SSUH2: variants seen among roughly 807,000 people sequenced by gnomAD.
SSUH2 encodes the protein protein SSUH2 homolog.
Under a neutral mutation model 55.3 loss-of-function variants are expected in SSUH2, and 47 were observed. The observed-to-expected ratio is 0.85, with a 90% confidence interval of 0.67 to 1.08. SSUH2 has a LOEUF of 1.08. SSUH2 is among the 50% of genes least tolerant of loss of function. SSUH2 has a pLI of 0.00. For missense variants in SSUH2, 535 were observed against 490.7 expected, an observed-to-expected ratio of 1.09 and a Z score of -0.85; for synonymous variants, 212 against 191.5, an observed-to-expected ratio of 1.11 and a Z score of -0.89.
rs1034592520 is a variant in SSUH2, at chr3:8,634,052, T to C, written c.210-257A>G. 19 of 1,142,458 alleles carry C rather than the reference T, an allele frequency of 1.7e-5. No homozygotes were observed. In the African/African-American group the frequency reaches 2.5e-4, roughly 15 times the overall value. 70.8% of individuals were successfully genotyped at this position (1,142,458 alleles called of 1,614,324 possible). On this transcript the variant is annotated intron_variant, in intron 3 of 11. Coordinates refer to ENST00000544814, the MANE Select transcript of SSUH2 (RefSeq NM_001256748.3). ...ATGTGGAGCTTAGGAGAAAAGCTGA[T>C]AGAATCCTGCAACTGAAGAAACACA...
At chr3:8,642,988 G>A (rs1194507325) in intron 1 of SSUH2, among the ~76,000 whole-genome samples, 1 of 152,170 alleles carries the variant, frequency 6.6e-6, no homozygotes, top group Non-Finnish European at 1.5e-5. Flanking sequence ...GAAAGACTCA[G>A]GGTTCCTAGA....
chr3:8,636,633 C>T (rs1026696622), intron 1 of SSUH2, among the ~76,000 whole-genome samples: 7 of 152,174 alleles, frequency 4.6e-5, no homozygotes, highest in African/African-American at 1.7e-4. Context: ...CTGACCAAGA[C>T]TTTCTTGGAG....
intron 11 of SSUH2, 119 bp downstream of exon 11, chr3:8,623,430 C>G (rs1696850174): frequency 4.3e-6 from 3 of 698,054 alleles, no homozygotes; most frequent in Non-Finnish European, 7.6e-6. Flanking sequence ...CCACACTCCT[C>G]CCCCGGGACC....
intron 6 of SSUH2, among the ~76,000 whole-genome samples, chr3:8,661,763 T>C: frequency 6.6e-6 from 1 of 152,334 alleles, no homozygotes; most frequent in East Asian, 1.9e-4. Flanking sequence ...GGGAACCTGT[T>C]GTAAGTAAGC....
chr3:8,671,993 G>A (rs1207321937), exon 4 of SSUH2: 1 of 152,122 alleles, frequency 6.6e-6, no homozygotes, highest in Admixed American at 6.5e-5. Flanking sequence ...ATAGACGGGT[G>A]TACATCCTCT....
rs189868814 is a variant in SSUH2, at chr3:8,679,670, C to A, written c.-901+35G>T. On this transcript the variant is annotated intron_variant, in intron 2 of 18. Coordinates refer to the SSUH2 transcript ENST00000317371. ...TGCCTCTTCCCCCCCTGGCTTAGGA[C>A]CCCCATCGCGGATTCTAAGATCCTT... 126 of 205,468 alleles carry A rather than the reference C, an allele frequency of 6.1e-4. No individual in the cohort carries two copies. In the East Asian group the frequency reaches 7.9e-3, roughly 13 times the overall value. 12.7% of individuals were successfully genotyped at this position (205,468 alleles called of 1,614,324 possible).
chr3:8,672,915 G>A (rs960701624), intron 3 of SSUH2, among the ~76,000 whole-genome samples: 2 of 152,042 alleles, frequency 1.3e-5, no homozygotes, highest in African/African-American at 4.8e-5. Context: ...CACCTGCTGC[G>A]ATATTGAACG....
intron 6 of SSUH2, among the ~76,000 whole-genome samples, chr3:8,661,733 G>T (rs1703510715): frequency 6.6e-6 from 1 of 152,234 alleles, no homozygotes; most frequent in South Asian, 2.1e-4. Context: ...TTGCATTACA[G>T]AACAGCAATG....
chr3:8,659,847 C>T (rs760630259), intron 6 of SSUH2: 5 of 454,058 alleles, frequency 1.1e-5, no homozygotes, highest in Non-Finnish European at 2.2e-5. Flanking sequence ...AATTAGAACA[C>T]AGTCAATAAA....
Position 8,662,945 on chromosome 3 carries a change from C to T in SSUH2, c.-396+799G>A, listed in dbSNP as rs902060275. On this transcript the variant is annotated intron_variant, in intron 6 of 18. Coordinates refer to the SSUH2 transcript ENST00000317371. ...AATTTTTCCAAATGCAAAATAAGTA[C>T]CAAGGCCATATCGATGCTACTATTC... Among the ~76,000 whole-genome samples, 5 of 152,204 alleles carry T rather than the reference C, an allele frequency of 3.3e-5. No homozygotes were observed. The South Asian group carries it at 8.3e-4, about 25-fold the overall frequency.
At chr3:8,655,714 C>T (rs1702869012) in intron 7 of SSUH2, among the ~76,000 whole-genome samples, 1 of 152,230 alleles carries the variant, frequency 6.6e-6, no homozygotes, top group Admixed American at 6.5e-5. Flanking sequence ...AATGAGCTGA[C>T]AGCGTGGAGA....
intron 1 of SSUH2, among the ~76,000 whole-genome samples, chr3:8,644,177 C>T (rs1701343590): frequency 6.6e-6 from 1 of 152,188 alleles, no homozygotes; most frequent in Admixed American, 6.5e-5. Flanking sequence ...GGCTATGTTT[C>T]ATAAGCGATA....
chr3:8,624,486 A>T (rs1185712233), intron 10 of SSUH2, among the ~76,000 whole-genome samples: 1 of 152,176 alleles, frequency 6.6e-6, no homozygotes, highest in Non-Finnish European at 1.5e-5. Flanking sequence ...GTGAGCCTTT[A>T]AAAAGCCAAA....
chr3:8,675,393 A>G (rs1007579012), intron 3 of SSUH2, among the ~76,000 whole-genome samples: 2 of 152,096 alleles, frequency 1.3e-5, no homozygotes, highest in African/African-American at 4.8e-5. Context: ...CCAGAGACCT[A>G]GGCTGCGTGT....
At chr3:8,661,594 G>C (rs1328049705) in intron 6 of SSUH2, among the ~76,000 whole-genome samples, 54 of 152,294 alleles carry the variant, frequency 3.5e-4, no homozygotes, top group Admixed American at 3.5e-3. Flanking sequence ...TCCCGAATCC[G>C]AGACAAAGGA....
chr3:8,651,964 A>G (rs1174731540), intron 7 of SSUH2: 2 of 152,372 alleles, frequency 1.3e-5, no homozygotes, highest in African/African-American at 2.4e-5. Flanking sequence ...CTCCGTGGCG[A>G]CTGCCTCAGG....
chr3:8,673,809 C>G (rs13353453), intron 3 of SSUH2, among the ~76,000 whole-genome samples: 1 of 151,902 alleles, frequency 6.6e-6, no homozygotes, highest in Admixed American at 6.6e-5. Context: ...AAACTGAGAC[C>G]GGGAAGCTCT....
At chr3:8,673,133 A>C (rs937265987) in intron 3 of SSUH2, among the ~76,000 whole-genome samples, 18 of 152,132 alleles carry the variant, frequency 1.2e-4, no homozygotes, top group African/African-American at 4.3e-4. Context: ...TTACAAGCTA[A>C]TATTACTGTT....
intron 8 of SSUH2, chr3:8,626,787 A>G (rs1402819619): frequency 1.9e-5 from 3 of 154,380 alleles, no homozygotes; most frequent in African/African-American, 7.2e-5. Context: ...CCTGCCTGCA[A>G]ATGAAGCCCA....
Sources: gnomAD v4.1 joint callset for allele counts (sites outside exome capture counted in the v4.1 genomes callset) on GRCh38, gnomAD v4.1.1 for gene constraint, MANE v1.5 for transcripts, NCBI Gene and HGNC (gene_info 2026-07-23, HGNC 2026-07-21) for gene names.